The following ZNF131 variants were observed in gnomAD, a reference collection of about 807,000 sequenced individuals.
ZNF131 encodes zinc finger protein 131.
ZNF131 carries 7 observed loss-of-function variants against 60.0 expected under a neutral mutation model. The observed-to-expected ratio is 0.12, with a 90% CI of 0.07 to 0.22. ZNF131 has a LOEUF of 0.22. Among genes scored for constraint, ZNF131 ranks in the 10% least tolerant of loss-of-function variants. The pLI, the probability that ZNF131 is intolerant of heterozygous loss-of-function variation, is 1.00. For synonymous variants in ZNF131, 257 were observed against 253.2 expected, an observed-to-expected ratio of 1.01 and a Z score of -0.14; for missense variants, 493 against 740.9, an observed-to-expected ratio of 0.67 and a Z score of 3.88.
intron 5 of ZNF131, among the ~76,000 whole-genome samples, chr5:43,172,583 C>A (rs1481670185): frequency 6.6e-6 from 1 of 150,906 alleles, no homozygotes; most frequent in African/African-American, 2.4e-5. Flanking sequence ...GATTGTGCCA[C>A]TGCACTCCAG....
chr5:43,161,458 A>C lies in ZNF131; in HGVS notation c.581A>C (p.Lys194Thr). The change falls in exon 5 of 7, where the codon AAG (lysine) becomes ACG (threonine). Residue 194 changes from lysine (K) to threonine (T), a missense_variant. By Grantham distance (78) the Lys-to-Thr change is moderately conservative (BLOSUM62 -1). This residue lies in a region of ZNF131 where 138 missense variants were observed against 158.7 expected (regional missense o/e 0.87). Transcript: ENST00000682664. ...ACATTAGAGGAAGTGGCTTCTGCCA[A>C]GCAGTCCGTAAAGTACATACAGAGC... ...IETLEEVASAKQSVKYIQSTG... is the reference protein window; with the variant it reads ...IETLEEVASATQSVKYIQSTG... The C allele has an allele frequency of 6.2e-7, 1 of 1,614,266 alleles. No individual in the cohort carries two copies. Among genetic ancestry groups the C allele is most frequent in the East Asian group, 2.2e-5 (1 of 44,890 alleles).
chr5:43,140,267 C>T (rs918888645), intron 4 of ZNF131, among the ~76,000 whole-genome samples: 6 of 152,128 alleles, frequency 3.9e-5, no homozygotes, highest in African/African-American at 1.4e-4. Flanking sequence ...TGAACAAAGA[C>T]CTCAACATCC....
chr5:43,154,066 G>A (rs1748659752), intron 4 of ZNF131, among the ~76,000 whole-genome samples: 1 of 152,204 alleles, frequency 6.6e-6, no homozygotes, highest in Non-Finnish European at 1.5e-5. Context: ...AGCCACAGTA[G>A]TGTGTCCAGA....
intron 3 of ZNF131, 22 bp from the exon 4 acceptor site, chr5:43,139,143 C>A: frequency 6.4e-7 from 1 of 1,556,334 alleles, no homozygotes; most frequent in Admixed American, 1.9e-5. Context: ...ATTACATGCT[C>A]TAATGTACAT....
chr5:43,162,380 T>A (rs1749789293), intron 5 of ZNF131, among the ~76,000 whole-genome samples: 1 of 145,186 alleles, frequency 6.9e-6, no homozygotes, highest in South Asian at 2.2e-4. Flanking sequence ...TCACCTGAGG[T>A]CAGGTGTTCG....
At chr5:43,148,773 C>T (rs1474937744) in intron 4 of ZNF131, among the ~76,000 whole-genome samples, 3 of 152,150 alleles carry the variant, frequency 2.0e-5, no homozygotes, top group Non-Finnish European at 2.9e-5. Flanking sequence ...ATAAGCTGCA[C>T]ATATTAAAGT....
At chr5:43,164,245 A>G (rs181124406) in intron 5 of ZNF131, among the ~76,000 whole-genome samples, 69 of 152,316 alleles carry the variant, frequency 4.5e-4, no homozygotes, top group African/African-American at 1.6e-3. Flanking sequence ...GTAGAAGACC[A>G]ACTTTTAGTA....
chr5:43,149,328 G>A (rs1223957059), intron 4 of ZNF131, among the ~76,000 whole-genome samples: 3 of 152,020 alleles, frequency 2.0e-5, no homozygotes, highest in Non-Finnish European at 4.4e-5. Context: ...GCCAAGGCGG[G>A]TGGATCAAAA....
At chr5:43,149,558 G>C (rs1748044059) in intron 4 of ZNF131, among the ~76,000 whole-genome samples, 1 of 152,162 alleles carries the variant, frequency 6.6e-6, no homozygotes, top group Non-Finnish European at 1.5e-5. Context: ...ATACCTCTTA[G>C]TAGAATAGCT....
chr5:43,126,291 C>G (rs946947338), intron 3 of ZNF131, among the ~76,000 whole-genome samples: 2 of 152,136 alleles, frequency 1.3e-5, no homozygotes, highest in African/African-American at 4.8e-5. Flanking sequence ...TTTGGTTTCA[C>G]TTTAGCGGGC....
rs748444366 is a variant in ZNF131 at position 43,174,985 on chromosome 5, A to G, written c.1724A>G (p.Glu575Gly). 6.2e-6 allele frequency: 10 copies of G among 1,614,152 alleles called. No homozygotes were observed. The highest frequency in any genetic ancestry group is 8.5e-6 in the Non-Finnish European group (10 of 1,180,026). Residue 575 changes from glutamate to glycine, a missense_variant, in exon 7 of 7, where the codon GAG becomes GGG. Physicochemically the swap from Glu to Gly is moderately conservative, Grantham distance 98. This residue lies in a region of ZNF131 where 202 missense variants were observed against 221.3 expected (regional missense o/e 0.91). Transcript: ENST00000682664. ...GTGACCCCAGAAATCATGAACCAAG[A>G]GGAGAGAGAGTCTAGCCAAGCAGAT... The part of the protein sequence containing the change: ...DHVTPEIMNQ[E>G]ERESSQADAA...
At chr5:43,160,928 G>T (rs370290639) in intron 4 of ZNF131, among the ~76,000 whole-genome samples, 12 of 152,022 alleles carry the variant, frequency 7.9e-5, no homozygotes, top group African/African-American at 2.9e-4. Flanking sequence ...TGATCCACCT[G>T]CCTTGGCCTC....
chr5:43,135,744 A>G lies in ZNF131; in HGVS notation c.227-3421A>G, dbSNP rs568739548. 7.2e-5 allele frequency among the ~76,000 whole-genome samples: 11 copies of G among 152,284 alleles called. No homozygotes were observed. In the South Asian group the frequency reaches 2.3e-3, roughly 32 times the overall value. On this transcript the variant is annotated intron_variant, in intron 3 of 6. Transcript: ENST00000682664. ...TCAAAAAAGAAAAAAGAAACTAAAG[A>G]CACTCAATAGATCTTCATGGATTTG...
At position 43,139,186 on chromosome 5, in the gene ZNF131, G is replaced by A. The variant is rs758077833; in HGVS notation, c.248G>A (p.Arg83His). Residue 83 changes from arginine to histidine, a missense_variant, in exon 4 of 7, where the codon CGC becomes CAC. Physicochemically the swap from Arg to His is conservative, Grantham distance 29. This residue lies in a region of ZNF131 where 66 missense variants were observed against 148.0 expected (regional missense o/e 0.45). Transcript: ENST00000682664. ...ACAGGTGTTAGTAAAATGGCCTTTC[G>A]CCATTTAATTGAGTTCACATATACA... is the stretch of plus-strand genomic sequence containing the variant. ...EIEGVSKMAF[R>H]HLIEFTYTAK... 1.3e-5 allele frequency: 21 copies of A among 1,598,506 alleles called. No homozygotes were observed. Among genetic ancestry groups the A allele is most frequent in the Middle Eastern group, 1.7e-4 (1 of 6,010 alleles).
intron 5 of ZNF131, among the ~76,000 whole-genome samples, chr5:43,172,437 A>G (rs1197933530): frequency 6.6e-6 from 1 of 152,214 alleles, no homozygotes; most frequent in African/African-American, 2.4e-5. Flanking sequence ...CCTGGCCAAC[A>G]TGGTGAAACC....
At chr5:43,127,990 T>G (rs1450614084) in intron 3 of ZNF131, among the ~76,000 whole-genome samples, 1 of 152,246 alleles carries the variant, frequency 6.6e-6, no homozygotes, top group East Asian at 1.9e-4. Context: ...TGTACATGTT[T>G]ATACATCTTT....
chr5:43,174,338 A>T, intron 6 of ZNF131, 109 bp from the exon 7 acceptor site: 1 of 1,004,456 alleles, frequency 1.0e-6, no homozygotes, highest in Non-Finnish European at 1.4e-6. Context: ...CATATTTATA[A>T]CATTTACAGA....
At position 43,133,537 on chromosome 5, in the gene ZNF131, G is replaced by A. The variant is rs567551460; in HGVS notation, c.227-5628G>A. On this transcript the variant is annotated intron_variant, in intron 3 of 6. Coordinates refer to ENST00000682664, the MANE Select transcript of ZNF131 (RefSeq NM_001330707.2). ...CCTGCTTTGTGTTCTTGCATTTTAG[G>A]AAGCACTGTTAGGTACTGTGATATG... is the stretch of plus-strand genomic sequence containing the variant. Among the ~76,000 whole-genome samples, 3 of 152,198 alleles carry A rather than the reference G, an allele frequency of 2.0e-5. No homozygotes were observed. The South Asian group carries it at 6.2e-4, about 32-fold the overall frequency.
At chr5:43,140,329 G>A (rs893215106) in intron 4 of ZNF131, among the ~76,000 whole-genome samples, 1 of 152,208 alleles carries the variant, frequency 6.6e-6, no homozygotes, top group African/African-American at 2.4e-5. Flanking sequence ...TAAGAGCTCA[G>A]GAGTCAGTTT....
Sources: gnomAD v4.1 joint callset for allele counts (sites outside exome capture counted in the v4.1 genomes callset) on GRCh38, gnomAD v4.1.1 for gene constraint, gnomAD v4.1.1 regional missense constraint, MANE v1.5 for transcripts, NCBI Gene and HGNC (gene_info 2026-07-23, HGNC 2026-07-21) for gene names.